The following TC2N variants were observed in gnomAD, a reference collection of about 807,000 sequenced individuals.
The protein encoded by TC2N is tandem C2 domains, nuclear.
A neutral mutation model predicts 61.9 loss-of-function variants in TC2N; 51 were observed. That is an observed-to-expected ratio of 0.82 (90% confidence interval 0.66 to 1.04). TC2N has a LOEUF of 1.04. Among genes scored for constraint, TC2N ranks in the 50% least tolerant of loss-of-function variants. The pLI is 0.00. For missense variants in TC2N, 556 were observed against 566.7 expected, an observed-to-expected ratio of 0.98 and a Z score of 0.19; for synonymous variants, 204 against 192.6, an observed-to-expected ratio of 1.06 and a Z score of -0.49.
chr14:91,785,465 T>C (rs1313765154), intron 10 of TC2N, 104 bp from the exon 11 acceptor site: 1 of 762,070 alleles, frequency 1.3e-6, no homozygotes, highest in African/African-American at 1.8e-5. Flanking sequence ...ACATTTATTG[T>C]AAAAAATATA....
chr14:91,862,291 G>A (rs548334091), intron 1 of TC2N, among the ~76,000 whole-genome samples: 4 of 142,524 alleles, frequency 2.8e-5, no homozygotes, highest in Non-Finnish European at 6.0e-5. Flanking sequence ...AGTGAGCTGA[G>A]ATCACACCAC....
At chr14:91,791,072 T>A (rs981870479) in intron 9 of TC2N, among the ~76,000 whole-genome samples, 4 of 149,036 alleles carry the variant, frequency 2.7e-5, no homozygotes, top group African/African-American at 9.9e-5. Context: ...ATGGAGGAGG[T>A]AGTGAGCTGT....
Position 91,813,760 on chromosome 14 carries a change from C to T in TC2N, c.10G>A (p.Glu4Lys). Reference sequence around the variant, plus strand: ...CCTCCACAGCAACTCTTTATAAATTCTGTTGCCATTACATTCAATTTCCAA... The same window carrying T: ...CCTCCACAGCAACTCTTTATAAATTTTGTTGCCATTACATTCAATTTCCAA... The part of the protein sequence containing the change: MAT[E>K]FIKSCCGGCF... The change falls in exon 2 of 12, where the codon GAA becomes AAA. Residue 4 changes from glutamate (E) to lysine (K), a missense_variant. Physicochemically the swap from Glu to Lys is moderately conservative, Grantham distance 56 (BLOSUM62 1). Coordinates refer to ENST00000435962, the MANE Select transcript of TC2N (RefSeq NM_001128596.3). The T allele has an allele frequency of 6.2e-7, 1 of 1,608,420 alleles. No individual in the cohort carries two copies. Among genetic ancestry groups the T allele is most frequent in the Non-Finnish European group, 8.5e-7 (1 of 1,176,126 alleles).
At chr14:91,821,704 G>A (rs1439010272) in intron 1 of TC2N, among the ~76,000 whole-genome samples, 1 of 151,912 alleles carries the variant, frequency 6.6e-6, no homozygotes, top group Non-Finnish European at 1.5e-5. Context: ...TTAACAAAGT[G>A]AAAAGACCAC....
chr14:91,804,418 G>A (rs1410130599), intron 3 of TC2N, among the ~76,000 whole-genome samples: 2 of 151,998 alleles, frequency 1.3e-5, no homozygotes, highest in Non-Finnish European at 2.9e-5. Context: ...ACCCATAATA[G>A]CCAAAAAATT....
In TC2N at chr14:91,787,627, C is replaced by CAGAAATTTTTGAAGGTGGTGTTATAT; in HGVS notation, c.1048-1_1048insATATAACACCACCTTCAAAAATTTCT (p.Val350IlefsTer2). On this transcript the variant is annotated stop_gained and frameshift_variant and splice_region_variant. Transcript: ENST00000435962. LOFTEE classifies it high-confidence loss of function. ...CCCAATTCAAGTTCTGCATGGCAAA[C>CAGAAATTTTTGAAGGTGGTGTTATAT]CTGCATATCAAAAAAGTGTCATTTG... 6.4e-7 allele frequency: 1 copy of CAGAAATTTTTGAAGGTGGTGTTATAT among 1,567,696 alleles called. No homozygotes were observed. The highest frequency in any genetic ancestry group is 1.2e-5 in the South Asian group (1 of 86,500).
rs866569025 is a variant in TC2N, at chr14:91,861,974, A to G, written c.-57+5288T>C. ...TATATGTGTGTATATGTGTGTGTGT[A>G]TATATATGCATTGCATCTGACTCAG... On this transcript the variant is annotated intron_variant, in intron 1 of 11. Transcript: ENST00000435962. 1.1e-4 allele frequency among the ~76,000 whole-genome samples: 16 copies of G among 151,788 alleles called. 1 individual carries two copies. The highest frequency in any genetic ancestry group is 1.7e-4 in the African/African-American group (7 of 41,438).
At chr14:91,844,760 CAAAAAAAAAAAAAAA>C (rs34223127) in intron 1 of TC2N, among the ~76,000 whole-genome samples, 1 of 92,554 alleles carries the variant, frequency 1.1e-5, no homozygotes, top group Non-Finnish European at 2.1e-5. Context: ...GACTCTGTCT[CAAAAAAAAAAAAAAA>C]AAAAAAAAAA....
chr14:91,799,007 CCT>C lies in TC2N; in HGVS notation c.617_618del (p.Gln206ArgfsTer3). 6.3e-7 allele frequency: 1 copy of C among 1,598,500 alleles called. No individual in the cohort carries two copies. The highest frequency in any genetic ancestry group is 1.1e-5 in the South Asian group (1 of 89,086). The part of the protein sequence containing the change: ...PSSSSSRKNS[Q>X]GSNRSLDTIT... ...TCCTTACCCAGGCTTCTGTTACTCC[CCT>C]GAGAATTTTTCCTTGAAGAAGAACT... On this transcript the variant is annotated frameshift_variant, in exon 6 of 12. Transcript: ENST00000435962. LOFTEE classifies it high-confidence loss of function.
At chr14:91,836,988 C>T (rs961717697) in intron 1 of TC2N, among the ~76,000 whole-genome samples, 1 of 152,162 alleles carries the variant, frequency 6.6e-6, no homozygotes, top group African/African-American at 2.4e-5. Context: ...TGAGGATCAG[C>T]CCTGCTCTCT....
chr14:91,828,010 AT>A (rs1433297167), intron 1 of TC2N, among the ~76,000 whole-genome samples: 1 of 152,148 alleles, frequency 6.6e-6, no homozygotes, highest in East Asian at 1.9e-4. Context: ...TTACAAACAT[AT>A]TTCACCAATT....
chr14:91,786,253 G>T (rs529324095), intron 10 of TC2N, among the ~76,000 whole-genome samples: 3 of 152,270 alleles, frequency 2.0e-5, no homozygotes, highest in South Asian at 4.1e-4. Context: ...TAGTTCTGAT[G>T]ATTTATTCCA....
chr14:91,789,430 A>G (rs1163954963), intron 9 of TC2N, among the ~76,000 whole-genome samples: 2 of 133,396 alleles, frequency 1.5e-5, no homozygotes, highest in Admixed American at 7.3e-5. Flanking sequence ...TGTCTCTACT[A>G]AAAAAAAAAA....
At chr14:91,858,030 A>C (rs529510787) in intron 1 of TC2N, among the ~76,000 whole-genome samples, 3 of 152,146 alleles carry the variant, frequency 2.0e-5, no homozygotes, top group Non-Finnish European at 1.5e-5. Context: ...CATTGGTGCC[A>C]TCATGGCTCA....
intron 1 of TC2N, among the ~76,000 whole-genome samples, chr14:91,825,032 T>C (rs1021117868): frequency 3.0e-4 from 37 of 123,210 alleles, no homozygotes; most frequent in African/African-American, 5.0e-4. Flanking sequence ...TTTTCTTTTT[T>C]TTTTTTTTTT....
intron 1 of TC2N, among the ~76,000 whole-genome samples, chr14:91,823,570 T>C (rs1459545528): frequency 1.3e-5 from 2 of 151,320 alleles, no homozygotes; most frequent in Non-Finnish European, 2.9e-5. Flanking sequence ...GTCCTTCTAA[T>C]TTTACCCAAA....
At chr14:91,827,015 G>A (rs554095227) in intron 1 of TC2N, among the ~76,000 whole-genome samples, 2 of 152,208 alleles carry the variant, frequency 1.3e-5, no homozygotes, top group South Asian at 2.1e-4. Context: ...TTTTAGTCCA[G>A]ATAAACAATC....
chr14:91,783,597 A>T (rs968773285), intron 11 of TC2N, among the ~76,000 whole-genome samples: 1 of 152,110 alleles, frequency 6.6e-6, no homozygotes, highest in Admixed American at 6.5e-5. Context: ...TCATGATTCA[A>T]ATTAGATTGG....
chr14:91,827,873 C>G (rs940051679), intron 1 of TC2N, among the ~76,000 whole-genome samples: 2 of 152,206 alleles, frequency 1.3e-5, no homozygotes, highest in African/African-American at 4.8e-5. Context: ...ACTTTTAGCT[C>G]CTTTACATGC....
Sources: gnomAD v4.1 joint callset for allele counts (sites outside exome capture counted in the v4.1 genomes callset) on GRCh38, gnomAD v4.1.1 for gene constraint, MANE v1.5 for transcripts, NCBI Gene and HGNC (gene_info 2026-07-23, HGNC 2026-07-21) for gene names.